Variants in MAP4K3 observed in about 807,000 individuals in gnomAD.
MAP4K3 encodes mitogen-activated protein kinase kinase kinase kinase 3, also known as MAPK/ERK kinase kinase kinase 3.
MAP4K3 carries 94 observed loss-of-function variants against 143.5 expected under a neutral mutation model. That is an observed-to-expected ratio of 0.65 (90% confidence interval 0.55 to 0.78). The LOEUF is 0.78. Ranked by LOEUF, MAP4K3 falls within the 30% of genes least tolerant of loss-of-function variation. MAP4K3 has a pLI of 0.00. For synonymous variants in MAP4K3, 416 were observed against 347.2 expected (o/e 1.20, Z -2.20); for missense variants, 1,077 against 1,068.1 (o/e 1.01, Z -0.12).
At chr2:39,286,249 C>T (rs1228839971) in intron 21 of MAP4K3, among the ~76,000 whole-genome samples, 2 of 152,194 alleles carry the variant, frequency 1.3e-5, no homozygotes, top group South Asian at 2.1e-4. Flanking sequence ...CACTTCACAA[C>T]AGGGTTTGCA....
At chr2:39,336,737 T>C (rs750338881) in intron 6 of MAP4K3, among the ~76,000 whole-genome samples, 183 bp downstream of exon 6, 4 of 152,102 alleles carry the variant, frequency 2.6e-5, no homozygotes, top group Non-Finnish European at 4.4e-5. Flanking sequence ...GTGAATTTTA[T>C]GGTATGTGAA....
At chr2:39,272,079 ATGTC>A in intron 26 of MAP4K3, 200 bp downstream of exon 26, 2 of 400,860 alleles carry the variant, frequency 5.0e-6, no homozygotes, top group African/African-American at 2.1e-5. Context: ...CAGAGAGAAA[ATGTC>A]TGATATAATT....
intron 3 of MAP4K3, among the ~76,000 whole-genome samples, chr2:39,355,157 G>A (rs959100876): frequency 1.3e-5 from 2 of 152,132 alleles, no homozygotes; most frequent in Admixed American, 6.5e-5. Flanking sequence ...GAGGTCAGGA[G>A]ATCAAGACCA....
chr2:39,342,108 GTATTATTAT>G (rs113261872), intron 4 of MAP4K3, among the ~76,000 whole-genome samples: 29,333 of 142,888 alleles, frequency 0.21, 3,324 homozygotes, highest in Admixed American at 0.28. Flanking sequence ...TGTCTTTCTA[GTATTATTAT>G]TATTATTATT....
At chr2:39,297,728 G>A (rs1009833639) in intron 16 of MAP4K3, among the ~76,000 whole-genome samples, 2 of 152,148 alleles carry the variant, frequency 1.3e-5, no homozygotes, top group African/African-American at 2.4e-5. Flanking sequence ...TACAGCAAGA[G>A]AAGTGCTACA....
At chr2:39,434,093 A>G (rs570153475) in intron 1 of MAP4K3, among the ~76,000 whole-genome samples, 1 of 152,340 alleles carries the variant, frequency 6.6e-6, no homozygotes, top group East Asian at 1.9e-4. Context: ...CATTTTCAAA[A>G]TAAAAATCTC....
At chr2:39,296,988 C>G (rs1181795399) in intron 16 of MAP4K3, among the ~76,000 whole-genome samples, 2 of 152,152 alleles carry the variant, frequency 1.3e-5, no homozygotes, top group African/African-American at 4.8e-5. Flanking sequence ...GCATTTACTA[C>G]TACTATACTC....
At chr2:39,364,982 G>A (rs2148563319) in intron 2 of MAP4K3, among the ~76,000 whole-genome samples, 1 of 151,950 alleles carries the variant, frequency 6.6e-6, no homozygotes, top group South Asian at 2.1e-4. Flanking sequence ...GCCAGACTCA[G>A]TTAATTCTCT....
chr2:39,409,877 T>C (rs949715359), intron 1 of MAP4K3, among the ~76,000 whole-genome samples: 4 of 152,166 alleles, frequency 2.6e-5, no homozygotes, highest in African/African-American at 7.2e-5. Flanking sequence ...TAAAGGACAA[T>C]GTGGTTAAGC....
intron 19 of MAP4K3, among the ~76,000 whole-genome samples, chr2:39,289,382 T>C (rs549755319): frequency 5.2e-4 from 79 of 152,274 alleles, no homozygotes; most frequent in African/African-American, 1.8e-3. Context: ...CAACTCTCAT[T>C]TGTAACACTT....
intron 7 of MAP4K3, among the ~76,000 whole-genome samples, chr2:39,333,072 GA>G (rs1444672155): frequency 3.3e-5 from 5 of 152,032 alleles, no homozygotes; most frequent in Non-Finnish European, 1.5e-5. Context: ...GTTACAAAAT[GA>G]AATATGTTAC....
chr2:39,421,266 A>G (rs1667538215), intron 1 of MAP4K3, among the ~76,000 whole-genome samples: 2 of 152,170 alleles, frequency 1.3e-5, no homozygotes, highest in East Asian at 3.8e-4. Context: ...ACCTCTCTAC[A>G]GAACAACACA....
chr2:39,359,003 TC>T (rs1470119970), intron 2 of MAP4K3, among the ~76,000 whole-genome samples: 5 of 151,866 alleles, frequency 3.3e-5, no homozygotes, highest in Non-Finnish European at 5.9e-5. Context: ...TTTCCAACAG[TC>T]CCCCAAAGTC....
At chr2:39,337,671 TAATATCCCTA>T (rs1188317668) in intron 4 of MAP4K3, 90 bp from the exon 5 acceptor site, 4 of 772,326 alleles carry the variant, frequency 5.2e-6, no homozygotes, top group Non-Finnish European at 8.9e-6. Flanking sequence ...GCAACAGACT[TAATATCCCTA>T]AACAATTCTA....
intron 1 of MAP4K3, among the ~76,000 whole-genome samples, chr2:39,391,482 T>C (rs934468702): frequency 6.6e-6 from 1 of 151,906 alleles, no homozygotes; most frequent in South Asian, 2.1e-4. Context: ...AGAAAACCAT[T>C]TACTTTTGTT....
chr2:39,271,152 T>C (rs961645710), intron 26 of MAP4K3, among the ~76,000 whole-genome samples: 3 of 152,138 alleles, frequency 2.0e-5, no homozygotes, highest in African/African-American at 7.2e-5. Flanking sequence ...TAAAAATGAA[T>C]TATAATATGG....
chr2:39,255,461 C>A (rs892831452), intron 31 of MAP4K3, among the ~76,000 whole-genome samples: 1 of 151,902 alleles, frequency 6.6e-6, no homozygotes, highest in African/African-American at 2.4e-5. Flanking sequence ...GTTGAATGGC[C>A]CATTTCTTCC....
chr2:39,391,183 G>A (rs570939940), intron 1 of MAP4K3, among the ~76,000 whole-genome samples: 1 of 150,944 alleles, frequency 6.6e-6, no homozygotes, highest in Admixed American at 6.6e-5. Flanking sequence ...GTGAAACCCC[G>A]TCTCTACTAA....
At chr2:39,410,562 A>C (rs866496076) in intron 1 of MAP4K3, among the ~76,000 whole-genome samples, 1 of 152,186 alleles carries the variant, frequency 6.6e-6, no homozygotes, top group Non-Finnish European at 1.5e-5. Context: ...ATGATTTTGG[A>C]ACACATACAC....
Sources: allele counts gnomAD v4.1 joint callset (sites outside exome capture counted in the v4.1 genomes callset), GRCh38; gene constraint gnomAD v4.1.1; transcripts MANE v1.5; gene names NCBI Gene and HGNC (gene_info 2026-07-23, HGNC 2026-07-21).